Variants in SERGEF observed in about 807,000 individuals in gnomAD.
The protein encoded by SERGEF is secretion-regulating guanine nucleotide exchange factor.
In SERGEF, 51 loss-of-function variants were observed where a neutral mutation model predicts 50.0. That is an observed-to-expected ratio of 1.02 (90% confidence interval 0.81 to 1.29). The LOEUF is 1.29. Among genes scored for constraint, SERGEF ranks in the 50% most tolerant of loss-of-function variants. The probability of loss-of-function intolerance (pLI) is 0.00; values close to 1 mark genes in which losing one functional copy is unlikely to be tolerated. For synonymous variants in SERGEF, 205 were observed against 212.4 expected (o/e 0.97, Z 0.30); for missense variants, 521 against 557.0 (o/e 0.94, Z 0.65).
At chr11:17,990,867 T>G (rs1047678161) in intron 7 of SERGEF, among the ~76,000 whole-genome samples, 2 of 151,942 alleles carry the variant, frequency 1.3e-5, no homozygotes, top group South Asian at 2.1e-4. Flanking sequence ...CCCGGGTTCA[T>G]GCAATTCTCC....
intron 9 of SERGEF, among the ~76,000 whole-genome samples, chr11:17,948,904 C>A (rs1221614405): frequency 6.6e-6 from 1 of 152,214 alleles, no homozygotes; most frequent in Non-Finnish European, 1.5e-5. Flanking sequence ...TTGGATGACA[C>A]CAGACATCCA....
At chr11:17,795,779 C>T (rs186808489) in intron 10 of SERGEF, among the ~76,000 whole-genome samples, 94 of 152,318 alleles carry the variant, frequency 6.2e-4, no homozygotes, top group Non-Finnish European at 1.1e-3. Flanking sequence ...TCATTTTGTG[C>T]CCTCAGGGTC....
At chr11:17,932,615 G>A (rs1201726124) in intron 9 of SERGEF, among the ~76,000 whole-genome samples, 1 of 152,170 alleles carries the variant, frequency 6.6e-6, no homozygotes, top group Non-Finnish European at 1.5e-5. Flanking sequence ...CATAGAAGGA[G>A]AAAGGAGGTA....
At chr11:18,007,493 C>T (rs1036947867) in intron 2 of SERGEF, among the ~76,000 whole-genome samples, 3 of 152,148 alleles carry the variant, frequency 2.0e-5, no homozygotes, top group African/African-American at 7.2e-5. Flanking sequence ...TGCAATATGC[C>T]CCCCTTTACA....
chr11:17,801,538 T>C (rs1398568867), intron 10 of SERGEF, among the ~76,000 whole-genome samples: 8 of 152,170 alleles, frequency 5.3e-5, no homozygotes, highest in Non-Finnish European at 1.2e-4. Flanking sequence ...TACAGAGAGA[T>C]AGGAATTAAA....
At chr11:17,860,983 C>T (rs1308199251) in intron 10 of SERGEF, among the ~76,000 whole-genome samples, 1 of 152,178 alleles carries the variant, frequency 6.6e-6, no homozygotes, top group African/African-American at 2.4e-5. Flanking sequence ...GCTAAACCCT[C>T]TCCACCCTAA....
At chr11:17,987,837 C>T (rs1030475487) in intron 8 of SERGEF, among the ~76,000 whole-genome samples, 1 of 152,148 alleles carries the variant, frequency 6.6e-6, no homozygotes, top group Non-Finnish European at 1.5e-5. Flanking sequence ...GGCAAGGGAA[C>T]TCCTGAGAAC....
chr11:17,990,915 T>A (rs900477837), intron 7 of SERGEF, among the ~76,000 whole-genome samples: 2 of 152,064 alleles, frequency 1.3e-5, no homozygotes, highest in African/African-American at 4.8e-5. Flanking sequence ...TACAGGCACG[T>A]GCCACCACAC....
intron 9 of SERGEF, among the ~76,000 whole-genome samples, chr11:17,953,248 A>G (rs1852804239): frequency 6.6e-6 from 1 of 152,192 alleles, no homozygotes; most frequent in Non-Finnish European, 1.5e-5. Flanking sequence ...CTAACTCACA[A>G]GCTCCTAAGG....
At chr11:17,905,877 G>A (rs780880418) in intron 9 of SERGEF, among the ~76,000 whole-genome samples, 3 of 152,010 alleles carry the variant, frequency 2.0e-5, no homozygotes, top group Non-Finnish European at 2.9e-5. Flanking sequence ...AGATCCTTAG[G>A]GTCTCAGTCA....
intron 10 of SERGEF, among the ~76,000 whole-genome samples, chr11:17,863,119 C>T (rs939578621): frequency 6.6e-6 from 1 of 152,180 alleles, no homozygotes; most frequent in Non-Finnish European, 1.5e-5. Context: ...TCTTTGAGTT[C>T]TCATCTGAAA....
At chr11:17,911,635 G>GC (rs1166646583) in intron 9 of SERGEF, among the ~76,000 whole-genome samples, 2 of 151,530 alleles carry the variant, frequency 1.3e-5, no homozygotes, top group East Asian at 3.9e-4. Flanking sequence ...CTACAGGTGC[G>GC]CACCACCACA....
intron 10 of SERGEF, among the ~76,000 whole-genome samples, chr11:17,817,088 T>A (rs1849987309): frequency 6.6e-6 from 1 of 152,200 alleles, no homozygotes; most frequent in Admixed American, 6.5e-5. Context: ...GTTGCCTGCA[T>A]GTTTACACAG....
intron 10 of SERGEF, among the ~76,000 whole-genome samples, chr11:17,873,155 G>C (rs2283246): frequency 0.28 from 42,169 of 152,078 alleles, 6,760 homozygotes; most frequent in East Asian, 0.51. Context: ...CAGGAAGGCA[G>C]CATCGGTCCA....
At chr11:17,830,672 G>GAGAGAGAGAGAGAC (rs1850288811) in intron 10 of SERGEF, among the ~76,000 whole-genome samples, 2 of 144,884 alleles carry the variant, frequency 1.4e-5, no homozygotes, top group African/African-American at 5.2e-5. Flanking sequence ...GAGAGAGAGA[G>GAGAGAGAGAGAGAC]AGAGAGAGAG....
At position 17,995,810 on chromosome 11, in the gene SERGEF, G is replaced by T; in HGVS notation, c.608C>A (p.Pro203Gln). ...TLPLFFTAKE[P>Q]SRVTGLENSK... ...AAGCATCTTACCTGTCACTCTGCTT[G>T]GTTCCTTTGCTGTGAAAAACAATGG... Residue 203 changes from proline (P) to glutamine (Q), a missense_variant, in exon 6 of 11, where the codon CCA becomes CAA. Physicochemically the swap from Pro to Gln is moderately conservative, Grantham distance 76 (BLOSUM62 -1). Transcript: ENST00000265965. The T allele has an allele frequency of 6.2e-7, 1 of 1,611,804 alleles. No individual in the cohort carries two copies. Among genetic ancestry groups the T allele is most frequent in the Non-Finnish European group, 8.5e-7 (1 of 1,178,018 alleles).
intron 9 of SERGEF, among the ~76,000 whole-genome samples, chr11:17,911,259 G>A (rs2133930055): frequency 6.7e-6 from 1 of 149,360 alleles, no homozygotes; most frequent in East Asian, 2.0e-4. Flanking sequence ...TATGAGTGAT[G>A]GGGCCAGGAT....
At chr11:17,833,443 G>A (rs1850347487) in intron 10 of SERGEF, among the ~76,000 whole-genome samples, 1 of 152,182 alleles carries the variant, frequency 6.6e-6, no homozygotes, top group Non-Finnish European at 1.5e-5. Flanking sequence ...CTCTGCTAGG[G>A]CAGTGCAGAA....
chr11:18,000,324 C>T (rs1175087479), intron 5 of SERGEF, among the ~76,000 whole-genome samples, 173 bp downstream of exon 5: 1 of 152,072 alleles, frequency 6.6e-6, no homozygotes, highest in Non-Finnish European at 1.5e-5. Context: ...TGGCATGCAC[C>T]TATAGTTCTA....
Sources: allele counts gnomAD v4.1 joint callset (sites outside exome capture counted in the v4.1 genomes callset), GRCh38; gene constraint gnomAD v4.1.1; transcripts MANE v1.5; gene names NCBI Gene and HGNC (gene_info 2026-07-23, HGNC 2026-07-21).